The following MAP2K6 variants were observed in gnomAD, a reference collection of about 807,000 sequenced individuals.
MAP2K6 encodes mitogen-activated protein kinase kinase 6.
A neutral mutation model predicts 53.7 loss-of-function variants in MAP2K6; 16 were observed. The observed-to-expected ratio is 0.30, with a 90% CI of 0.20 to 0.45. MAP2K6 has a LOEUF of 0.45. Among genes scored for constraint, MAP2K6 ranks in the 20% least tolerant of loss-of-function variants. MAP2K6 has a pLI of 1.00. For synonymous variants in MAP2K6, 132 were observed against 143.1 expected (o/e 0.92, Z 0.55); for missense variants, 204 against 411.9 (o/e 0.50, Z 4.37).
chr17:69,520,987 C>T lies in MAP2K6; in HGVS notation c.484-62C>T. 3.0e-6 allele frequency: 4 copies of T among 1,348,518 alleles called. No individual in the cohort carries two copies. The South Asian group carries it at 5.0e-5, about 17-fold the overall frequency. The allele number at this position is 1,348,518 out of a possible 1,614,324, so 83.5% of individuals were successfully genotyped here. On this transcript the variant is annotated intron_variant, in intron 6 of 11. Transcript: ENST00000590474. ...GCCAAGGATAATAAACCTTGATATA[C>T]TTAACATTCAATTTCTTTCCAGCAA...
chr17:69,500,608 T>C (rs2145213668), intron 1 of MAP2K6, among the ~76,000 whole-genome samples: 1 of 150,634 alleles, frequency 6.6e-6, no homozygotes, highest in South Asian at 2.1e-4. Context: ...ATACAACAAT[T>C]AGTTGGGCGT....
intron 1 of MAP2K6, among the ~76,000 whole-genome samples, chr17:69,424,536 C>T (rs909183146): frequency 6.6e-6 from 1 of 152,144 alleles, no homozygotes; most frequent in East Asian, 1.9e-4. Context: ...GTTACCAAAC[C>T]GATAGTGGCA....
rs115451281 is a variant in MAP2K6, at chr17:69,443,034, T to G, written c.16+28034T>G. ...TCCTGCTTGATTTTCCAAGGTGTTT[T>G]ATTGTCTCTTCCCACCCAGACCATC... On this transcript the variant is annotated intron_variant, in intron 1 of 11. Transcript: ENST00000590474. Among the ~76,000 whole-genome samples the G allele has an allele frequency of 2.8e-3, 419 of 152,322 alleles. 1 individual carries two copies. The highest frequency in any genetic ancestry group is 9.3e-3 in the African/African-American group (386 of 41,562).
chr17:69,420,432 T>G (rs1906040843), intron 1 of MAP2K6, among the ~76,000 whole-genome samples: 1 of 152,148 alleles, frequency 6.6e-6, no homozygotes, highest in African/African-American at 2.4e-5. Context: ...AAGATTCTTG[T>G]TAAGAATCAA....
At chr17:69,526,121 T>C (rs1045641430) in intron 9 of MAP2K6, among the ~76,000 whole-genome samples, 1 of 152,176 alleles carries the variant, frequency 6.6e-6, no homozygotes, top group Non-Finnish European at 1.5e-5. Flanking sequence ...AAAAAAGATC[T>C]GTCATTTGGT....
chr17:69,443,516 C>T (rs917430954), intron 1 of MAP2K6, among the ~76,000 whole-genome samples: 5 of 152,134 alleles, frequency 3.3e-5, no homozygotes, highest in Admixed American at 1.3e-4. Context: ...AAAATCTGAG[C>T]GGTTATTCTA....
intron 6 of MAP2K6, chr17:69,520,702 T>C: frequency 5.3e-6 from 2 of 379,084 alleles, no homozygotes; most frequent in Non-Finnish European, 9.4e-6. Flanking sequence ...TTTAAAATGT[T>C]CTCTTGAGAC....
chr17:69,482,644 T>C (rs1908388015), intron 1 of MAP2K6, among the ~76,000 whole-genome samples: 1 of 151,938 alleles, frequency 6.6e-6, no homozygotes, highest in Admixed American at 6.6e-5. Flanking sequence ...TTTGGCTCCA[T>C]AGCATTCCAT....
At chr17:69,493,429 C>T (rs1908829437) in intron 1 of MAP2K6, among the ~76,000 whole-genome samples, 1 of 152,004 alleles carries the variant, frequency 6.6e-6, no homozygotes, top group Non-Finnish European at 1.5e-5. Context: ...AGGGAGTTCA[C>T]AGAAAAATGA....
chr17:69,510,241 A>T (rs1353360904), intron 2 of MAP2K6, among the ~76,000 whole-genome samples: 1 of 152,102 alleles, frequency 6.6e-6, no homozygotes, highest in Non-Finnish European at 1.5e-5. Context: ...TGATCTGTCG[A>T]TATGTAGATT....
At position 69,449,512 on chromosome 17, in the gene MAP2K6, TCTTTG is replaced by T. The variant is rs1567821610; in HGVS notation, c.16+34513_16+34517del. Among the ~76,000 whole-genome samples the T allele has an allele frequency of 1.7e-4, 25 of 143,504 alleles. 1 individual carries two copies. The South Asian group carries it at 3.7e-3, about 21-fold the overall frequency. 94.1% of individuals were successfully genotyped at this position (143,504 alleles called of 152,430 possible). A position where few individuals can be genotyped will look rare whatever the true frequency, so the allele number is the denominator to read the frequency against. ...GTCCTTTCTTTCTTTTTTCTTTCTT[TCTTTG>T]TCTTTCTTTCTTTGTCTTTCTTTCT... On this transcript the variant is annotated intron_variant, in intron 1 of 11. Coordinates refer to ENST00000590474, the MANE Select transcript of MAP2K6 (RefSeq NM_002758.4).
chr17:69,421,806 G>A (rs2145127038), intron 1 of MAP2K6, among the ~76,000 whole-genome samples: 1 of 152,054 alleles, frequency 6.6e-6, no homozygotes, highest in South Asian at 2.1e-4. Context: ...GCCTCCCAAA[G>A]TGCTGGGATT....
rs1189798082 is a variant in MAP2K6 at position 69,544,448 on chromosome 17, G to T, written c.*2695G>T. 6.6e-6 allele frequency: 1 copy of T among 152,116 alleles called. No homozygotes were observed. Among genetic ancestry groups the T allele is most frequent in the Non-Finnish European group, 1.5e-5 (1 of 68,026 alleles). The allele number at this position is 152,116 out of a possible 1,614,324, so 9.4% of individuals were successfully genotyped here. A position where few individuals can be genotyped will look rare whatever the true frequency, so the allele number is the denominator to read the frequency against. ...CAAGATACCTAAACTATATATAAAT[G>T]GGGAGTATTCTGTACATATAGACTT... On this transcript the variant is annotated 3_prime_UTR_variant, in exon 12 of 12. Coordinates refer to ENST00000590474, the MANE Select transcript of MAP2K6 (RefSeq NM_002758.4).
At chr17:69,464,431 G>C (rs750274179) in intron 1 of MAP2K6, among the ~76,000 whole-genome samples, 1 of 152,040 alleles carries the variant, frequency 6.6e-6, no homozygotes, top group African/African-American at 2.4e-5. Context: ...GTCCAGGCTG[G>C]AGTGCAGAGG....
At position 69,465,577 on chromosome 17, in the gene MAP2K6, G is replaced by A. The variant is rs369291797; in HGVS notation, c.17-40203G>A. Among the ~76,000 whole-genome samples, 29 of 151,666 alleles carry A rather than the reference G, an allele frequency of 1.9e-4. 1 individual carries two copies. In the South Asian group the frequency reaches 5.0e-3, roughly 26 times the overall value. On this transcript the variant is annotated intron_variant, in intron 1 of 11. Coordinates refer to ENST00000590474, the MANE Select transcript of MAP2K6 (RefSeq NM_002758.4). ...TAATGGTAGAGGTGACAAGGTAGGGGATGCAGAGGAGGGATGTGCCCTTCC... is the reference window on the plus strand; with the variant it reads ...TAATGGTAGAGGTGACAAGGTAGGGAATGCAGAGGAGGGATGTGCCCTTCC...
chr17:69,476,495 A>G (rs547099320), intron 1 of MAP2K6, among the ~76,000 whole-genome samples: 1 of 152,350 alleles, frequency 6.6e-6, no homozygotes, highest in South Asian at 2.1e-4. Context: ...GAGAAAACTC[A>G]TGGAGTCCCT....
At position 69,517,534 on chromosome 17, in the gene MAP2K6, T is replaced by A; in HGVS notation, c.167T>A (p.Ile56Lys). 1 of 1,611,132 alleles carries A rather than the reference T, an allele frequency of 6.2e-7. No individual in the cohort carries two copies. Among genetic ancestry groups the A allele is most frequent in the Non-Finnish European group, 8.5e-7 (1 of 1,178,336 alleles). ...GTGAAGGCAGATGACCTGGAGCCTA[T>A]AATGGAACTGGGACGAGGTGCGTAC... ...FEVKADDLEP[I>K]MELGRGAYGV... The change falls in exon 4 of 12, where the codon ATA becomes AAA. Residue 56 changes from isoleucine to lysine, a missense_variant. Coordinates refer to ENST00000590474, the MANE Select transcript of MAP2K6 (RefSeq NM_002758.4).
Position 69,487,318 on chromosome 17 carries a change from G to A in MAP2K6, c.17-18462G>A, listed in dbSNP as rs561954396. On this transcript the variant is annotated intron_variant, in intron 1 of 11. Transcript: ENST00000590474. ...CTCTGTGTATGTGGACAAGGTCCTC[G>A]AAACAGAGGAAGTAATACCCCATGC... 9.8e-5 allele frequency among the ~76,000 whole-genome samples: 15 copies of A among 152,328 alleles called. No homozygotes were observed. In the South Asian group the frequency reaches 2.1e-3, roughly 21 times the overall value.
chr17:69,537,239 TG>T (rs1252913679), intron 11 of MAP2K6, among the ~76,000 whole-genome samples: 1 of 152,130 alleles, frequency 6.6e-6, no homozygotes, highest in African/African-American at 2.4e-5. Context: ...AACACATTTT[TG>T]GGGGGGAGAA....
Sources: allele counts gnomAD v4.1 joint callset (sites outside exome capture counted in the v4.1 genomes callset), GRCh38; gene constraint gnomAD v4.1.1; transcripts MANE v1.5; gene names NCBI Gene and HGNC (gene_info 2026-07-23, HGNC 2026-07-21).